Variants in FMN1 observed in about 807,000 individuals in gnomAD.
The protein encoded by FMN1 is formin 1.
A neutral mutation model predicts 132.4 loss-of-function variants in FMN1; 110 were observed. The observed-to-expected ratio is 0.83, with a 90% CI of 0.71 to 0.97. The LOEUF (loss-of-function observed/expected upper bound fraction) is 0.97, where lower values mean the gene tolerates loss of function less well. Ranked by LOEUF, FMN1 falls within the 50% of genes least tolerant of loss-of-function variation. The pLI is 0.00. For missense variants in FMN1, 1,792 were observed against 1,705.3 expected (o/e 1.05, Z -0.90); for synonymous variants, 722 against 651.7 (o/e 1.11, Z -1.64).
chr15:32,953,087 G>T (rs1400816365), intron 9 of FMN1, among the ~76,000 whole-genome samples: 1 of 152,144 alleles, frequency 6.6e-6, no homozygotes, highest in Non-Finnish European at 1.5e-5. Flanking sequence ...GAGCGAGCAT[G>T]ATTTGATTCA....
At chr15:32,898,722 C>A in intron 15 of FMN1, 112 bp downstream of exon 15, 1 of 709,682 alleles carries the variant, frequency 1.4e-6, no homozygotes, top group Non-Finnish European at 2.5e-6. Context: ...CTGGAGAGCT[C>A]TCATATTCTA....
intron 13 of FMN1, among the ~76,000 whole-genome samples, chr15:32,901,090 G>A (rs572470827): frequency 1.4e-4 from 22 of 152,080 alleles, no homozygotes; most frequent in African/African-American, 5.3e-4. Flanking sequence ...TGAGGCAGAG[G>A]TTGCAATGAG....
At chr15:32,957,174 G>C (rs1037699202) in intron 9 of FMN1, among the ~76,000 whole-genome samples, 1 of 151,978 alleles carries the variant, frequency 6.6e-6, no homozygotes, top group African/African-American at 2.4e-5. Flanking sequence ...AACAAACAGA[G>C]ATGATTTATA....
intron 6 of FMN1, among the ~76,000 whole-genome samples, chr15:33,009,664 A>G (rs866191552): frequency 2.6e-5 from 4 of 152,308 alleles, no homozygotes; most frequent in African/African-American, 9.6e-5. Flanking sequence ...TTTCATCTCC[A>G]CAATAACCCT....
At chr15:33,018,395 C>T (rs2035198425) in intron 6 of FMN1, among the ~76,000 whole-genome samples, 1 of 152,084 alleles carries the variant, frequency 6.6e-6, no homozygotes, top group Admixed American at 6.5e-5. Flanking sequence ...TTCCACCTCC[C>T]AACCTATGGG....
intron 17 of FMN1, among the ~76,000 whole-genome samples, chr15:32,855,886 T>G (rs1596095058): frequency 1.3e-5 from 2 of 152,240 alleles, no homozygotes; most frequent in South Asian, 4.1e-4. Context: ...TATAGTCACA[T>G]AGCACACAAG....
intron 7 of FMN1, among the ~76,000 whole-genome samples, chr15:32,971,160 A>G (rs2031755884): frequency 6.6e-6 from 1 of 152,250 alleles, no homozygotes. Flanking sequence ...GACTTTTATA[A>G]AAGTAAAATG....
intron 8 of FMN1, among the ~76,000 whole-genome samples, chr15:32,967,854 TG>T (rs2031389177): frequency 6.6e-6 from 1 of 152,250 alleles, no homozygotes; most frequent in Non-Finnish European, 1.5e-5. Flanking sequence ...CCACATGACT[TG>T]GGAAAAGCTG....
At chr15:32,995,864 G>A (rs1345885551) in intron 7 of FMN1, among the ~76,000 whole-genome samples, 8 of 152,184 alleles carry the variant, frequency 5.3e-5, no homozygotes, top group Admixed American at 5.2e-4. Context: ...TATGGCAACA[G>A]TAATATTTCC....
intron 17 of FMN1, among the ~76,000 whole-genome samples, chr15:32,835,675 T>TTCTTAAGTGTA (rs1454532151): frequency 6.6e-6 from 1 of 152,176 alleles, no homozygotes; most frequent in Non-Finnish European, 1.5e-5. Flanking sequence ...CAACCTTTCC[T>TTCTTAAGTGTA]TCTTAAGTGT....
chr15:33,151,147 TG>T, intron 4 of FMN1: 2 of 1,454,858 alleles, frequency 1.4e-6, no homozygotes, highest in Non-Finnish European at 1.8e-6. Flanking sequence ...AGGTACTATC[TG>T]GGGAACTCCC....
chr15:32,803,657 T>C (rs1475088684), intron 18 of FMN1, among the ~76,000 whole-genome samples: 1 of 152,120 alleles, frequency 6.6e-6, no homozygotes, highest in African/African-American at 2.4e-5. Flanking sequence ...TTGTTTATAA[T>C]ATCCTCCTCT....
intron 4 of FMN1, chr15:33,106,223 A>G (rs935327555): frequency 1.3e-5 from 2 of 151,904 alleles, no homozygotes; most frequent in African/African-American, 2.4e-5. Context: ...TTCTTAACAT[A>G]CCATAATGTT....
At chr15:33,069,993 C>CTTTTTTTTTTT (rs1171369156) in intron 5 of FMN1, among the ~76,000 whole-genome samples, 5 of 74,292 alleles carry the variant, frequency 6.7e-5, no homozygotes, top group African/African-American at 1.6e-4. Context: ...CAGTCTTTCT[C>CTTTTTTTTTTT]TTTTTTTTTT....
At chr15:33,015,334 T>G (rs1385666063) in intron 6 of FMN1, among the ~76,000 whole-genome samples, 1 of 152,170 alleles carries the variant, frequency 6.6e-6, no homozygotes, top group African/African-American at 2.4e-5. Context: ...ACAGGGAGGT[T>G]TGAAGAGCCA....
At chr15:32,861,982 T>A in intron 16 of FMN1, among the ~76,000 whole-genome samples, 1 of 152,190 alleles carries the variant, frequency 6.6e-6, no homozygotes, top group Non-Finnish European at 1.5e-5. Context: ...GATTCCCACG[T>A]GGCCTGTAAG....
In FMN1 at chr15:32,874,019, T is replaced by TA. The variant is rs1439257740; in HGVS notation, c.3835+14152_3835+14153insT. 2.1e-3 allele frequency among the ~76,000 whole-genome samples: 287 copies of TA among 138,318 alleles called. 2 individuals carry two copies. Among genetic ancestry groups the TA allele is most frequent in the African/African-American group, 8.3e-3 (275 of 33,152 alleles). The allele number at this position is 138,318 out of a possible 152,430, so 90.7% of individuals were successfully genotyped here. ...TGATTCACAATTTTATTTTAGTTGTTTTTTTTTTTTTTTTTTTGATACAGA... is the reference window on the plus strand; with the variant it reads ...TGATTCACAATTTTATTTTAGTTGTTATTTTTTTTTTTTTTTTTGATACAGA... On this transcript the variant is annotated intron_variant, in intron 16 of 20. Transcript: ENST00000616417.
At chr15:33,177,105 C>T (rs1328583333) in intron 3 of FMN1, among the ~76,000 whole-genome samples, 1 of 152,168 alleles carries the variant, frequency 6.6e-6, no homozygotes, top group East Asian at 1.9e-4. Flanking sequence ...CTATTATTAT[C>T]TCCATTTACA....
chr15:33,065,512 T>C (rs2037683920), intron 5 of FMN1, among the ~76,000 whole-genome samples: 1 of 152,180 alleles, frequency 6.6e-6, no homozygotes. Flanking sequence ...GACACCCTTT[T>C]TCAAACATTC....
Sources: gnomAD v4.1 joint callset for allele counts (sites outside exome capture counted in the v4.1 genomes callset) on GRCh38, gnomAD v4.1.1 for gene constraint, MANE v1.5 for transcripts, NCBI Gene and HGNC (gene_info 2026-07-23, HGNC 2026-07-21) for gene names.